CACNA2D1: variants seen among roughly 807,000 people sequenced by gnomAD.
CACNA2D1 encodes the protein voltage-dependent calcium channel subunit alpha-2/delta-1.
CACNA2D1 carries 53 observed loss-of-function variants against 171.5 expected under a neutral mutation model. The observed-to-expected ratio is 0.31, with a 90% CI of 0.25 to 0.39. The LOEUF (loss-of-function observed/expected upper bound fraction) is 0.39. Ranked by LOEUF, CACNA2D1 falls within the 10% of genes least tolerant of loss-of-function variation. The pLI is 1.00. For synonymous variants in CACNA2D1, 442 were observed against 443.1 expected (o/e 1.00, Z 0.03); for missense variants, 903 against 1,299.8 (o/e 0.69, Z 4.69).
intron 6 of CACNA2D1, among the ~76,000 whole-genome samples, chr7:82,093,985 T>C (rs757236188): frequency 2.0e-5 from 3 of 152,100 alleles, no homozygotes; most frequent in Non-Finnish European, 2.9e-5. Flanking sequence ...CAAAGAAGGA[T>C]CAAAAGTATT....
intron 7 of CACNA2D1, among the ~76,000 whole-genome samples, chr7:82,082,593 G>T (rs907814861): frequency 6.6e-6 from 1 of 151,644 alleles, no homozygotes; most frequent in Non-Finnish European, 1.5e-5. Flanking sequence ...TCAATCAGAG[G>T]AAAGCACATC....
chr7:82,005,262 A>G (rs1418414980), intron 18 of CACNA2D1, 161 bp downstream of exon 18: 2 of 612,642 alleles, frequency 3.3e-6, no homozygotes, highest in Non-Finnish European at 5.9e-6. Flanking sequence ...ACTTTCATAT[A>G]GTATCATGTG....
At chr7:82,028,913 T>C (rs1802295871) in intron 12 of CACNA2D1, 1 of 152,032 alleles carries the variant, frequency 6.6e-6, no homozygotes, top group African/African-American at 2.4e-5. Flanking sequence ...ATTCTTCAAG[T>C]GACCCAAAGG....
At chr7:82,310,995 A>C (rs1057350509) in intron 3 of CACNA2D1, among the ~76,000 whole-genome samples, 1 of 152,142 alleles carries the variant, frequency 6.6e-6, no homozygotes, top group African/African-American at 2.4e-5. Flanking sequence ...TGATTTATTA[A>C]ATTGTATAGA....
chr7:82,201,065 T>C (rs958783251), intron 3 of CACNA2D1, among the ~76,000 whole-genome samples: 1 of 152,202 alleles, frequency 6.6e-6, no homozygotes, highest in Non-Finnish European at 1.5e-5. Context: ...TCTATTCATT[T>C]CTAGTACCTC....
chr7:82,384,646 G>A (rs1824120515), intron 1 of CACNA2D1, among the ~76,000 whole-genome samples: 1 of 151,486 alleles, frequency 6.6e-6, no homozygotes, highest in African/African-American at 2.4e-5. Context: ...GAAGAGGGAG[G>A]AAAAAAGAAA....
chr7:82,292,521 C>T (rs988772577), intron 3 of CACNA2D1, among the ~76,000 whole-genome samples: 2 of 152,150 alleles, frequency 1.3e-5, no homozygotes, highest in African/African-American at 4.8e-5. Flanking sequence ...CTTTACCTTA[C>T]ACTTGATTGA....
intron 3 of CACNA2D1, among the ~76,000 whole-genome samples, chr7:82,263,476 G>A (rs1430288933): frequency 6.6e-6 from 1 of 151,962 alleles, no homozygotes; most frequent in Admixed American, 6.6e-5. Context: ...TAGAAGTGTG[G>A]GCTATAACCC....
intron 7 of CACNA2D1, among the ~76,000 whole-genome samples, chr7:82,077,813 A>G (rs1360677959): frequency 1.3e-5 from 2 of 151,864 alleles, no homozygotes; most frequent in African/African-American, 4.8e-5. Context: ...CAGTACTTCT[A>G]TAAATACTAT....
intron 4 of CACNA2D1, among the ~76,000 whole-genome samples, chr7:82,142,406 T>C (rs1435524055): frequency 6.6e-6 from 1 of 152,182 alleles, no homozygotes; most frequent in Non-Finnish European, 1.5e-5. Context: ...CTTAAAAATG[T>C]ATATTGTGAG....
At chr7:82,215,623 T>G (rs1801022155) in intron 3 of CACNA2D1, among the ~76,000 whole-genome samples, 1 of 152,146 alleles carries the variant, frequency 6.6e-6, no homozygotes, top group Non-Finnish European at 1.5e-5. Context: ...TTTTTTAAAT[T>G]TTTCCTGTTA....
At chr7:82,038,420 C>T (rs1025858202) in intron 10 of CACNA2D1, among the ~76,000 whole-genome samples, 185 bp from the exon 11 acceptor site, 2 of 152,146 alleles carry the variant, frequency 1.3e-5, no homozygotes, top group Admixed American at 1.3e-4. Context: ...AGCTACCAAC[C>T]CATACTGGAA....
At chr7:82,130,461 TATC>T (rs1311308685) in intron 5 of CACNA2D1, among the ~76,000 whole-genome samples, 28 of 152,096 alleles carry the variant, frequency 1.8e-4, no homozygotes, top group African/African-American at 5.8e-4. Context: ...TATAATAATG[TATC>T]ATAATTAAAT....
rs570382448 is a variant in CACNA2D1, at chr7:82,044,733, C to G, written c.880-6498G>C. Among the ~76,000 whole-genome samples, 4 of 152,088 alleles carry G rather than the reference C, an allele frequency of 2.6e-5. No individual in the cohort carries two copies. In the South Asian group the frequency reaches 8.3e-4, roughly 31 times the overall value. ...AAAAGGAAAATGACCAGAGGCTGTG[C>G]GCTCCAAAATTTTGGCTGTGCTTGT... On this transcript the variant is annotated intron_variant, in intron 10 of 38. Coordinates refer to ENST00000356860, the MANE Select transcript of CACNA2D1 (RefSeq NM_000722.4).
intron 3 of CACNA2D1, among the ~76,000 whole-genome samples, chr7:82,329,889 C>G (rs1817094005): frequency 6.6e-6 from 1 of 151,932 alleles, no homozygotes; most frequent in Non-Finnish European, 1.5e-5. Context: ...TGAATTCTAC[C>G]ACTACCTCAT....
chr7:82,383,265 A>C lies in CACNA2D1; in HGVS notation c.96-33616T>G, dbSNP rs1823911968. Among the ~76,000 whole-genome samples the C allele has an allele frequency of 2.6e-5, 4 of 152,196 alleles. No homozygotes were observed. In the South Asian group the frequency reaches 8.3e-4, roughly 32 times the overall value. ...CCACTAATCTGTTCCAAAAGAGAAAAAAACTGGCCCTGAGGCTCAACTTTT... is the reference window on the plus strand; with the variant it reads ...CCACTAATCTGTTCCAAAAGAGAAACAAACTGGCCCTGAGGCTCAACTTTT... On this transcript the variant is annotated intron_variant, in intron 1 of 38. Coordinates refer to ENST00000356860, the MANE Select transcript of CACNA2D1 (RefSeq NM_000722.4).
chr7:82,387,123 T>C (rs1824498161), intron 1 of CACNA2D1, among the ~76,000 whole-genome samples: 1 of 152,280 alleles, frequency 6.6e-6, no homozygotes, highest in South Asian at 2.1e-4. Flanking sequence ...AATGGTCATA[T>C]GTCTTTTATA....
chr7:82,167,261 T>A (rs1449843239), intron 4 of CACNA2D1, among the ~76,000 whole-genome samples: 1 of 152,084 alleles, frequency 6.6e-6, no homozygotes, highest in Admixed American at 6.6e-5. Flanking sequence ...CATTTTTAAA[T>A]GTTTGGTTAA....
At chr7:82,014,318 A>C in intron 13 of CACNA2D1, 83 bp downstream of exon 13, 1 of 752,056 alleles carries the variant, frequency 1.3e-6, no homozygotes, top group Non-Finnish European at 2.4e-6. Flanking sequence ...CTACAATTTT[A>C]GCTTATTTTA....
Sources: allele counts gnomAD v4.1 joint callset (sites outside exome capture counted in the v4.1 genomes callset), GRCh38; gene constraint gnomAD v4.1.1; transcripts MANE v1.5; gene names NCBI Gene and HGNC (gene_info 2026-07-23, HGNC 2026-07-21).